Variants in EDN3 observed in about 807,000 individuals in gnomAD.
EDN3 encodes the protein endothelin-3.
A neutral mutation model predicts 21.4 loss-of-function variants in EDN3; 9 were observed. The observed-to-expected ratio is 0.42, with a 90% confidence interval of 0.25 to 0.73. The LOEUF is 0.73. Among genes scored for constraint, EDN3 ranks in the 30% least tolerant of loss-of-function variants. The probability of loss-of-function intolerance (pLI) is 0.26; values close to 1 mark genes in which losing one functional copy is unlikely to be tolerated. For missense variants in EDN3, 327 were observed against 309.4 expected (o/e 1.06, Z -0.43); for synonymous variants, 133 against 126.2 (o/e 1.05, Z -0.36).
Position 59,301,697 on chromosome 20 carries a change from G to C in EDN3, c.340G>C (p.Asp114His). The C allele has an allele frequency of 6.2e-7, 1 of 1,614,204 alleles. No individual in the cohort carries two copies. Among genetic ancestry groups the C allele is most frequent in the Non-Finnish European group, 8.5e-7 (1 of 1,180,026 alleles). Residue 114 changes from aspartate to histidine, a missense_variant, in exon 2 of 5, where the codon GAC (aspartate) becomes CAC (histidine). Physicochemically the swap from Asp to His is moderately conservative, Grantham distance 81. Coordinates refer to ENST00000337938, the MANE Select transcript of EDN3 (RefSeq NM_207034.3). ...DKECVYYCHL[D>H]IIWINTPEQT... ...GGAGTGTGTCTACTATTGCCACCTG[G>C]ACATCATTTGGATCAACACTCCCGA...
Position 59,324,638 on chromosome 20 carries a change from CCA to C in EDN3, c.*180_*181del. On this transcript the variant is annotated 3_prime_UTR_variant, in exon 5 of 5. Coordinates refer to ENST00000337938, the MANE Select transcript of EDN3 (RefSeq NM_207034.3). ...CAAGAATGCCCAAATCCGAATGACCCCAGTTTTCCTAATGAGTAAAATGATCC... is the reference window on the plus strand; with the variant it reads ...CAAGAATGCCCAAATCCGAATGACCCGTTTTCCTAATGAGTAAAATGATCC... 1 of 806,432 alleles carries C rather than the reference CCA, an allele frequency of 1.2e-6. No individual in the cohort carries two copies. The highest frequency in any genetic ancestry group is 1.6e-5 in the South Asian group (1 of 61,904). The allele number at this position is 806,432 out of a possible 1,614,324, so 50.0% of individuals were successfully genotyped here. A position where few individuals can be genotyped will look rare whatever the true frequency, so the allele number is the denominator to read the frequency against.
At chr20:59,311,680 G>A (rs529188509) in intron 2 of EDN3, among the ~76,000 whole-genome samples, 1 of 150,114 alleles carries the variant, frequency 6.7e-6, no homozygotes, top group Non-Finnish European at 1.5e-5. Context: ...TCCACGTCCT[G>A]TTTTATTAGT....
At chr20:59,302,000 AC>A (rs1989080548) in intron 2 of EDN3, among the ~76,000 whole-genome samples, 1 of 152,110 alleles carries the variant, frequency 6.6e-6, no homozygotes, top group South Asian at 2.1e-4. Context: ...AAGTGAACTG[AC>A]CAGGGGGATT....
chr20:59,324,728 A>G lies in EDN3; in HGVS notation c.*269A>G. On this transcript the variant is annotated 3_prime_UTR_variant, in exon 5 of 5. Coordinates refer to ENST00000337938, the MANE Select transcript of EDN3 (RefSeq NM_207034.3). ...TTCATGCAGGAAATTGGTTTTGGAG[A>G]GTTTTGGCAAGTTGGAAAGCCACTT... 1.9e-6 allele frequency: 1 copy of G among 519,070 alleles called. No individual in the cohort carries two copies. Among genetic ancestry groups the G allele is most frequent in the Non-Finnish European group, 3.5e-6 (1 of 287,822 alleles). 32.2% of individuals were successfully genotyped at this position (519,070 alleles called of 1,614,324 possible).
At chr20:59,306,595 T>TAAAAAAAA (rs57144708) in intron 2 of EDN3, among the ~76,000 whole-genome samples, 19 of 62,436 alleles carry the variant, frequency 3.0e-4, no homozygotes, top group African/African-American at 1.3e-3. Flanking sequence ...GCATAAAGAG[T>TAAAAAAAA]AAAAAAAAAA....
At chr20:59,321,763 G>C (rs975102397) in intron 3 of EDN3, among the ~76,000 whole-genome samples, 7 of 152,192 alleles carry the variant, frequency 4.6e-5, no homozygotes, top group Non-Finnish European at 8.8e-5. Flanking sequence ...GTAGCCCCTG[G>C]AGGCCCCCAA....
intron 2 of EDN3, among the ~76,000 whole-genome samples, chr20:59,319,860 C>T (rs142573818): frequency 6.6e-6 from 1 of 152,256 alleles, no homozygotes; most frequent in Non-Finnish European, 1.5e-5. Flanking sequence ...CAAGGTGGTT[C>T]ATCTCTGGGG....
rs187049336 is a variant in EDN3 at position 59,321,077 on chromosome 20, G to A, written c.426G>A (p.Ala142=). Residue 142 remains alanine, a synonymous_variant, in exon 3 of 5, where the codon GCG becomes GCA. Transcript: ENST00000337938. ...GAAGCTTCCGGGGCAAGAGGTCTGC[G>A]GGGCCACTTCCAGGGAATCTGCAGC... ...YRGSFRGKRS[A]GPLPGNLQLS... 573 of 1,614,220 alleles carry A rather than the reference G, an allele frequency of 3.5e-4. 6 individuals are homozygous for A. The East Asian group carries it at 5.9e-3, about 17-fold the overall frequency.
In EDN3 at chr20:59,300,770, G is replaced by T; in HGVS notation, c.-43G>T. On this transcript the variant is annotated 5_prime_UTR_variant, in exon 1 of 5. Coordinates refer to ENST00000337938, the MANE Select transcript of EDN3 (RefSeq NM_207034.3). ...CCAGTGCCCTTTCGCGGCCACAAGC[G>T]GCCGTCCTCCTGGTCCGGTGCTCCG... 5.0e-6 allele frequency: 8 copies of T among 1,594,058 alleles called. No individual in the cohort carries two copies. Among genetic ancestry groups the T allele is most frequent in the Non-Finnish European group, 6.8e-6 (8 of 1,171,866 alleles).
At chr20:59,320,164 C>T (rs1032952863) in intron 2 of EDN3, among the ~76,000 whole-genome samples, 8 of 152,214 alleles carry the variant, frequency 5.3e-5, no homozygotes, top group East Asian at 1.9e-4. Context: ...CTTCATCACG[C>T]GGCTCTTCTG....
chr20:59,303,229 G>C (rs952084694), intron 2 of EDN3, among the ~76,000 whole-genome samples: 1 of 152,162 alleles, frequency 6.6e-6, no homozygotes, highest in Non-Finnish European at 1.5e-5. Context: ...TTGCTGGCTG[G>C]GCTGTGTCCA....
At position 59,301,666 on chromosome 20, in the gene EDN3, G is replaced by T. The variant is rs780830178; in HGVS notation, c.309G>T (p.Lys103Asn). ...RSRRCTCFTYKDKECVYYCHL... is the reference protein window; with the variant it reads ...RSRRCTCFTYNDKECVYYCHL... ...GGCGCTGCACGTGCTTCACCTACAA[G>T]GACAAGGAGTGTGTCTACTATTGCC... The change falls in exon 2 of 5, where the codon AAG (lysine) becomes AAT (asparagine). Residue 103 changes from lysine to asparagine, a missense_variant. By Grantham distance (94) the Lys-to-Asn change is moderately conservative. Transcript: ENST00000337938. 6.2e-7 allele frequency: 1 copy of T among 1,614,124 alleles called. No homozygotes were observed. The highest frequency in any genetic ancestry group is 8.5e-7 in the Non-Finnish European group (1 of 1,180,046).
At chr20:59,323,710 G>T in intron 4 of EDN3, 1 of 401,096 alleles carries the variant, frequency 2.5e-6, no homozygotes, top group Non-Finnish European at 4.4e-6. Flanking sequence ...ATGAGTGAGG[G>T]AAAGGGATTT....
Position 59,305,215 on chromosome 20 carries a change from T to C in EDN3, c.365+3493T>C, listed in dbSNP as rs141188521. Among the ~76,000 whole-genome samples the C allele has an allele frequency of 3.9e-5, 6 of 152,318 alleles. No homozygotes were observed. The East Asian group carries it at 1.2e-3, about 29-fold the overall frequency. ...AGCATGATTTCCATTAGCCTTTCCT[T>C]GGCTGTCCCCCACAGTCCCCAAGCC... On this transcript the variant is annotated intron_variant, in intron 2 of 4. Transcript: ENST00000337938. The surrounding 1 kb of genome is among the most constrained non-coding windows in gnomAD (Gnocchi z 4.2).
At chr20:59,303,469 G>T (rs759026822) in intron 2 of EDN3, among the ~76,000 whole-genome samples, 1 of 152,230 alleles carries the variant, frequency 6.6e-6, no homozygotes, top group Non-Finnish European at 1.5e-5. Flanking sequence ...ACCAGGAACC[G>T]AGTTCTTGTC....
At chr20:59,315,026 A>G (rs1044601284) in intron 2 of EDN3, among the ~76,000 whole-genome samples, 2 of 152,034 alleles carry the variant, frequency 1.3e-5, no homozygotes, top group Non-Finnish European at 1.5e-5. Flanking sequence ...TAATCTTTCT[A>G]TTTCACCCTG....
At chr20:59,306,064 C>A (rs1048943034) in intron 2 of EDN3, among the ~76,000 whole-genome samples, 1 of 152,150 alleles carries the variant, frequency 6.6e-6, no homozygotes, top group African/African-American at 2.4e-5. Context: ...CTGTGAAGCA[C>A]CCAGCAAAGA....
rs553118719 is a variant in EDN3 at position 59,310,227 on chromosome 20, G to A, written c.365+8505G>A. On this transcript the variant is annotated intron_variant, in intron 2 of 4. Coordinates refer to ENST00000337938, the MANE Select transcript of EDN3 (RefSeq NM_207034.3). ...GCACCACCCCGCGTTCCAGTGTATT[G>A]GAAGTGGATGGTCTCTGTTTTGCAT... Among the ~76,000 whole-genome samples, 16 of 152,270 alleles carry A rather than the reference G, an allele frequency of 1.1e-4. No homozygotes were observed. The East Asian group carries it at 2.7e-3, about 26-fold the overall frequency.
intron 2 of EDN3, among the ~76,000 whole-genome samples, chr20:59,319,365 G>A (rs1159209897): frequency 6.6e-6 from 1 of 152,124 alleles, no homozygotes; most frequent in South Asian, 2.1e-4. Context: ...TCGCAAAAAG[G>A]CTTTATGGTG....
Sources: gnomAD v4.1 joint callset for allele counts (sites outside exome capture counted in the v4.1 genomes callset) on GRCh38, gnomAD v4.1.1 for gene constraint, Gnocchi (gnomAD v3.1) non-coding constraint, MANE v1.5 for transcripts, NCBI Gene and HGNC (gene_info 2026-07-23, HGNC 2026-07-21) for gene names.